The following TTC28 variants were observed in gnomAD, a reference collection of about 807,000 sequenced individuals.
The protein encoded by TTC28 is tetratricopeptide repeat domain 28.
Under a neutral mutation model 198.0 loss-of-function variants are expected in TTC28, and 61 were observed. The ratio of observed to expected loss-of-function variants is 0.31; its 90% confidence interval spans 0.25 to 0.38. The LOEUF (loss-of-function observed/expected upper bound fraction) is 0.38, where lower values mean the gene tolerates loss of function less well. Among genes scored for constraint, TTC28 ranks in the 10% least tolerant of loss-of-function variants. TTC28 has a pLI of 1.00. For missense variants in TTC28, 2,678 were observed against 3,164.0 expected (o/e 0.85, Z 3.69); for synonymous variants, 1,171 against 1,297.8 (o/e 0.90, Z 2.10).
intron 2 of TTC28, among the ~76,000 whole-genome samples, chr22:28,344,448 T>C (rs913250613): frequency 6.6e-6 from 1 of 152,082 alleles, no homozygotes; most frequent in African/African-American, 2.4e-5. Context: ...CTGACACCAC[T>C]AGCCAAATCC....
intron 12 of TTC28, among the ~76,000 whole-genome samples, chr22:28,033,206 G>GT (rs764288367): frequency 1.6e-4 from 24 of 152,162 alleles, no homozygotes; most frequent in Non-Finnish European, 3.1e-4. Context: ...TAATGGGGTT[G>GT]TTTCCTATTT....
chr22:28,426,072 T>C (rs114797694), intron 2 of TTC28, among the ~76,000 whole-genome samples: 2,408 of 151,550 alleles, frequency 0.016, 82 homozygotes, highest in African/African-American at 0.056. Context: ...TTAGTCAGGC[T>C]TGGTGGTGTG....
intron 2 of TTC28, among the ~76,000 whole-genome samples, chr22:28,541,140 G>C (rs527795740): frequency 1.3e-5 from 2 of 152,324 alleles, no homozygotes; most frequent in Non-Finnish European, 2.9e-5. Context: ...TGGAGCAACA[G>C]ATACCACATC....
intron 6 of TTC28, among the ~76,000 whole-genome samples, chr22:28,123,902 G>A (rs1942852028): frequency 6.6e-6 from 1 of 152,136 alleles, no homozygotes; most frequent in Admixed American, 6.5e-5. Flanking sequence ...AGAATTGCTT[G>A]AACCCGGGAG....
chr22:28,217,639 A>G (rs1211951866), intron 5 of TTC28, among the ~76,000 whole-genome samples: 1 of 152,206 alleles, frequency 6.6e-6, no homozygotes, highest in African/African-American at 2.4e-5. Context: ...TAGGCATGTA[A>G]GAACAAGAAG....
chr22:28,167,678 G>C (rs1399241688), intron 5 of TTC28, among the ~76,000 whole-genome samples: 2 of 152,100 alleles, frequency 1.3e-5, no homozygotes, highest in African/African-American at 4.8e-5. Flanking sequence ...TCTCAAAATA[G>C]TAAGAGCTAT....
At chr22:28,354,913 G>A (rs540057188) in intron 2 of TTC28, among the ~76,000 whole-genome samples, 4 of 151,398 alleles carry the variant, frequency 2.6e-5, no homozygotes, top group South Asian at 4.2e-4. Context: ...ATGCTGGTGC[G>A]CTGCACCCAC....
chr22:28,294,563 CTT>C (rs779531455), intron 5 of TTC28, among the ~76,000 whole-genome samples: 2 of 143,612 alleles, frequency 1.4e-5, no homozygotes, highest in African/African-American at 2.5e-5. Flanking sequence ...CAGCTCTTGC[CTT>C]TTTTTTTTTT....
At chr22:28,160,444 T>A (rs995041546) in intron 6 of TTC28, among the ~76,000 whole-genome samples, 2 of 152,006 alleles carry the variant, frequency 1.3e-5, no homozygotes, top group African/African-American at 4.8e-5. Flanking sequence ...ATATGACAAT[T>A]CCCACATTTA....
chr22:28,440,210 G>A (rs2047596808), intron 2 of TTC28, among the ~76,000 whole-genome samples: 2 of 152,056 alleles, frequency 1.3e-5, no homozygotes, highest in African/African-American at 4.8e-5. Context: ...TTGCTTTTTA[G>A]GGCAATTACA....
chr22:28,611,234 G>A (rs1042106354), intron 2 of TTC28, among the ~76,000 whole-genome samples: 1 of 152,118 alleles, frequency 6.6e-6, no homozygotes, highest in South Asian at 2.1e-4. Flanking sequence ...GACACTGCTC[G>A]AGAAGAGCAA....
intron 2 of TTC28, among the ~76,000 whole-genome samples, chr22:28,440,936 G>A (rs1224816821): frequency 2.6e-5 from 4 of 152,192 alleles, no homozygotes; most frequent in Non-Finnish European, 5.9e-5. Context: ...TATGGTATTT[G>A]ATGGCTCAGC....
At chr22:28,562,752 A>G (rs1037732410) in intron 2 of TTC28, among the ~76,000 whole-genome samples, 2 of 152,222 alleles carry the variant, frequency 1.3e-5, no homozygotes, top group South Asian at 4.1e-4. Context: ...AAAATTGCCA[A>G]AAGCACAAAA....
intron 5 of TTC28, among the ~76,000 whole-genome samples, chr22:28,169,846 TAAAG>T (rs1365711751): frequency 6.6e-6 from 1 of 151,324 alleles, no homozygotes; most frequent in Non-Finnish European, 1.5e-5. Context: ...TAAAATAAAA[TAAAG>T]AACCTGATTA....
At chr22:28,113,914 A>G (rs1481265564) in intron 6 of TTC28, among the ~76,000 whole-genome samples, 1 of 152,232 alleles carries the variant, frequency 6.6e-6, no homozygotes, top group Non-Finnish European at 1.5e-5. Context: ...GGATCAGGAA[A>G]CTGTTCCTTG....
chr22:28,322,667 A>G (rs988686069), intron 2 of TTC28, among the ~76,000 whole-genome samples: 24 of 152,218 alleles, frequency 1.6e-4, no homozygotes, highest in African/African-American at 5.1e-4. Flanking sequence ...ACTGAGCAGG[A>G]GCATTTCCTA....
intron 2 of TTC28, among the ~76,000 whole-genome samples, chr22:28,450,351 G>A (rs1048407750): frequency 2.6e-5 from 4 of 152,080 alleles, no homozygotes; most frequent in African/African-American, 9.7e-5. Flanking sequence ...GTTTCCTGAG[G>A]CAGCAATTTT....
At chr22:28,560,801 AGG>A (rs1471013585) in intron 2 of TTC28, among the ~76,000 whole-genome samples, 1 of 152,016 alleles carries the variant, frequency 6.6e-6, no homozygotes, top group Non-Finnish European at 1.5e-5. Context: ...TCTGTCACCC[AGG>A]CTGGAGTGCA....
chr22:28,213,912 A>G (rs138343489), intron 5 of TTC28, among the ~76,000 whole-genome samples: 14,517 of 152,090 alleles, frequency 0.095, 839 homozygotes, highest in Admixed American at 0.16. Flanking sequence ...AAACAGCACG[A>G]TACTGGTACC....
Sources: allele counts gnomAD v4.1 joint callset (sites outside exome capture counted in the v4.1 genomes callset), GRCh38; gene constraint gnomAD v4.1.1; transcripts MANE v1.5; gene names NCBI Gene and HGNC (gene_info 2026-07-23, HGNC 2026-07-21).